CDH12: variants seen among roughly 807,000 people sequenced by gnomAD.
CDH12 encodes the protein cadherin 12.
CDH12 carries 41 observed loss-of-function variants against 74.1 expected under a neutral mutation model. The observed-to-expected ratio is 0.55, with a 90% CI of 0.43 to 0.72. The LOEUF (loss-of-function observed/expected upper bound fraction) is 0.72. Among genes scored for constraint, CDH12 ranks in the 30% least tolerant of loss-of-function variants. CDH12 has a pLI of 0.00. For missense variants in CDH12, 945 were observed against 977.2 expected, an observed-to-expected ratio of 0.97 and a Z score of 0.44; for synonymous variants, 399 against 355.0, an observed-to-expected ratio of 1.12 and a Z score of -1.39.
intron 1 of CDH12, among the ~76,000 whole-genome samples, chr5:22,611,000 T>C (rs1377583304): frequency 6.6e-6 from 1 of 152,154 alleles, no homozygotes; most frequent in Non-Finnish European, 1.5e-5. Flanking sequence ...CCCAAACTGT[T>C]ACTTTAATCT....
intron 6 of CDH12, among the ~76,000 whole-genome samples, chr5:21,880,928 G>A (rs7714256): frequency 0.93 from 141,833 of 151,810 alleles, 66,924 homozygotes; most frequent in Non-Finnish European, 1. Context: ...CCAGAGTACA[G>A]AAACATAGGA....
Position 22,649,480 on chromosome 5 carries a change from C to A in CDH12, c.-522-144116G>T, listed in dbSNP as rs182512376. 5.7e-4 allele frequency among the ~76,000 whole-genome samples: 87 copies of A among 151,986 alleles called. No homozygotes were observed. In the East Asian group the frequency reaches 8.7e-3, roughly 15 times the overall value. ...ATACTAATGCAAGGGGAACACTAGG[C>A]AAGAAGAGAAGAGGACAGCAGAAAG... On this transcript the variant is annotated intron_variant, in intron 1 of 14. Transcript: ENST00000382254.
intron 5 of CDH12, among the ~76,000 whole-genome samples, chr5:22,073,145 T>C (rs1037749489): frequency 9.9e-5 from 15 of 152,260 alleles, no homozygotes; most frequent in Middle Eastern, 3.4e-3. Flanking sequence ...TTTATTCCTA[T>C]AGGCTTAATA....
At chr5:21,765,125 G>A in intron 11 of CDH12, 26 bp from the exon 12 acceptor site, 1 of 1,487,478 alleles carries the variant, frequency 6.7e-7, no homozygotes, top group Admixed American at 2.4e-5. Flanking sequence ...AAAGATAAAA[G>A]ATGATTACAA....
At chr5:22,404,155 G>A (rs1033779788) in intron 3 of CDH12, among the ~76,000 whole-genome samples, 4 of 151,748 alleles carry the variant, frequency 2.6e-5, no homozygotes, top group Non-Finnish European at 4.4e-5. Context: ...TAAGTCAATT[G>A]CCTTAAAAAT....
chr5:22,059,157 A>G (rs977040992), intron 5 of CDH12, among the ~76,000 whole-genome samples: 5 of 152,164 alleles, frequency 3.3e-5, no homozygotes, highest in African/African-American at 1.2e-4. Context: ...CTAGTTGCTC[A>G]AAAGGTTTTA....
intron 3 of CDH12, among the ~76,000 whole-genome samples, chr5:22,291,730 G>C (rs531518056): frequency 3.3e-5 from 5 of 152,072 alleles, no homozygotes; most frequent in African/African-American, 9.7e-5. Context: ...CAAATGTCTT[G>C]TGTTCATGGA....
chr5:22,069,945 A>C (rs1741829933), intron 5 of CDH12, among the ~76,000 whole-genome samples: 1 of 152,180 alleles, frequency 6.6e-6, no homozygotes, highest in Admixed American at 6.6e-5. Context: ...CTACCAGCTG[A>C]GTTGCTTGCT....
intron 1 of CDH12, among the ~76,000 whole-genome samples, chr5:22,707,303 T>C (rs944792720): frequency 6.6e-6 from 1 of 152,174 alleles, no homozygotes; most frequent in East Asian, 1.9e-4. Flanking sequence ...TCTTTGTAAA[T>C]TTTTCTGGGA....
At chr5:22,454,923 A>C (rs773951233) in intron 2 of CDH12, among the ~76,000 whole-genome samples, 2 of 152,206 alleles carry the variant, frequency 1.3e-5, no homozygotes, top group Non-Finnish European at 2.9e-5. Context: ...GAAGGAACAC[A>C]AACATTCAGA....
At chr5:21,995,973 T>G (rs1736264355) in intron 5 of CDH12, among the ~76,000 whole-genome samples, 1 of 152,120 alleles carries the variant, frequency 6.6e-6, no homozygotes, top group African/African-American at 2.4e-5. Context: ...CCCTGAGTAG[T>G]CGGCATAACA....
chr5:22,382,281 CTATA>C (rs1351442121), intron 3 of CDH12, among the ~76,000 whole-genome samples: 1 of 144,840 alleles, frequency 6.9e-6, no homozygotes, highest in African/African-American at 2.5e-5. Context: ...TATATATAGT[CTATA>C]TATAGAAATA....
intron 6 of CDH12, among the ~76,000 whole-genome samples, chr5:21,923,537 C>T (rs1281440636): frequency 6.6e-6 from 1 of 152,126 alleles, no homozygotes; most frequent in Non-Finnish European, 1.5e-5. Flanking sequence ...AATGTTCCTT[C>T]CAACCCTTCA....
Position 22,325,190 on chromosome 5 carries a change from A to T in CDH12, c.-333+80067T>A, listed in dbSNP as rs368155355. Among the ~76,000 whole-genome samples, 289 of 152,314 alleles carry T rather than the reference A, an allele frequency of 1.9e-3. 1 individual carries two copies. The highest frequency in any genetic ancestry group is 3.6e-3 in the Non-Finnish European group (245 of 68,028). On this transcript the variant is annotated intron_variant, in intron 3 of 14. Coordinates refer to ENST00000382254, the MANE Select transcript of CDH12 (RefSeq NM_004061.5). ...ATCCCCAAATTGTTCTTTTACTTAT[A>T]TACAAATGATGTTAAAATATAAATC...
At chr5:21,791,554 T>C (rs1746498426) in intron 10 of CDH12, among the ~76,000 whole-genome samples, 1 of 151,932 alleles carries the variant, frequency 6.6e-6, no homozygotes, top group South Asian at 2.1e-4. Context: ...AAACAGAAAG[T>C]ATGTTTGACT....
chr5:22,585,910 A>T (rs1282555921), intron 1 of CDH12, among the ~76,000 whole-genome samples: 2 of 152,152 alleles, frequency 1.3e-5, no homozygotes, highest in Admixed American at 1.3e-4. Flanking sequence ...AACTAGTTCA[A>T]CCATTGTGGA....
At chr5:21,883,646 A>G (rs1752477984) in intron 6 of CDH12, 13 of 1,612,040 alleles carry the variant, frequency 8.1e-6, no homozygotes, top group Non-Finnish European at 1.0e-5. Context: ...TTGTGACCAA[A>G]GACGATGCCA....
intron 2 of CDH12, among the ~76,000 whole-genome samples, chr5:22,473,239 C>T (rs7445770): frequency 0.95 from 143,880 of 152,152 alleles, 68,133 homozygotes; most frequent in African/African-American, 0.98. Context: ...CCGAACTCCC[C>T]ATATAAAGAG....
At chr5:22,257,912 A>G (rs759293081) in intron 3 of CDH12, among the ~76,000 whole-genome samples, 49 of 152,158 alleles carry the variant, frequency 3.2e-4, no homozygotes, top group Non-Finnish European at 4.7e-4. Flanking sequence ...TAAATGGGTT[A>G]ATCTAAGTGT....
Sources: gnomAD v4.1 joint callset for allele counts (sites outside exome capture counted in the v4.1 genomes callset) on GRCh38, gnomAD v4.1.1 for gene constraint, MANE v1.5 for transcripts, NCBI Gene and HGNC (gene_info 2026-07-23, HGNC 2026-07-21) for gene names.